RBFOX2: variants seen among roughly 807,000 people sequenced by gnomAD.
RBFOX2 encodes the protein RNA binding fox-1 homolog 2, also known as RNA binding protein fox-1 homolog 2.
Under a neutral mutation model 49.1 loss-of-function variants are expected in RBFOX2, and 10 were observed. The observed-to-expected ratio is 0.20, with a 90% CI of 0.13 to 0.35. The LOEUF (loss-of-function observed/expected upper bound fraction) is 0.35. Among genes scored for constraint, RBFOX2 ranks in the 10% least tolerant of loss-of-function variants. The pLI is 1.00. For synonymous variants in RBFOX2, 183 were observed against 187.4 expected, an observed-to-expected ratio of 0.98 and a Z score of 0.19; for missense variants, 323 against 486.9, an observed-to-expected ratio of 0.66 and a Z score of 3.17.
At chr22:35,834,027 G>A (rs575830827) in intron 1 of RBFOX2, among the ~76,000 whole-genome samples, 1 of 152,238 alleles carries the variant, frequency 6.6e-6, no homozygotes, top group Non-Finnish European at 1.5e-5. Flanking sequence ...TTAAGTCAGG[G>A]ATGGAAATTT....
intron 1 of RBFOX2, among the ~76,000 whole-genome samples, chr22:36,006,073 A>G (rs954818996): frequency 1.3e-5 from 2 of 152,252 alleles, no homozygotes; most frequent in African/African-American, 4.8e-5. Flanking sequence ...CAGAACGAGC[A>G]ATCAAAATGT....
chr22:35,970,441 G>A (rs981445368), intron 1 of RBFOX2, among the ~76,000 whole-genome samples: 11 of 150,628 alleles, frequency 7.3e-5, no homozygotes, highest in African/African-American at 2.7e-4. Flanking sequence ...TCAAGGTCAG[G>A]AGCTCAAGAC....
At chr22:35,774,842 T>C (rs932849248) in intron 4 of RBFOX2, among the ~76,000 whole-genome samples, 3 of 152,194 alleles carry the variant, frequency 2.0e-5, no homozygotes, top group Non-Finnish European at 4.4e-5. Flanking sequence ...CAAAATAAGA[T>C]ATGGTATGGA....
intron 1 of RBFOX2, among the ~76,000 whole-genome samples, chr22:35,874,600 A>G (rs2044775123): frequency 6.6e-6 from 1 of 152,200 alleles, no homozygotes; most frequent in African/African-American, 2.4e-5. Context: ...ATGAACATGG[A>G]AGTAATAGTG....
At chr22:35,985,909 T>C (rs1015221743) in intron 1 of RBFOX2, among the ~76,000 whole-genome samples, 25 of 28,882 alleles carry the variant, frequency 8.7e-4, no homozygotes, top group African/African-American at 2.5e-3. Context: ...GATGGATAGA[T>C]AGATAGATAG....
At chr22:36,010,444 A>G (rs907610108) in intron 1 of RBFOX2, among the ~76,000 whole-genome samples, 13 of 152,040 alleles carry the variant, frequency 8.6e-5, no homozygotes, top group African/African-American at 2.7e-4. Context: ...GAGCCTTGGG[A>G]CCACAAAGAC....
At chr22:35,995,757 G>A (rs1480608650) in intron 1 of RBFOX2, 1 of 154,072 alleles carries the variant, frequency 6.5e-6, no homozygotes, top group Non-Finnish European at 1.4e-5. Context: ...TAAGGCTTTG[G>A]AACTGTGAGT....
intron 1 of RBFOX2, among the ~76,000 whole-genome samples, chr22:35,986,957 CTT>C (rs200947927): frequency 2.8e-5 from 4 of 141,988 alleles, no homozygotes; most frequent in African/African-American, 7.7e-5. Flanking sequence ...ATAAAGATCT[CTT>C]TTTTTTTTTT....
At chr22:35,999,863 C>T (rs1195370088) in intron 1 of RBFOX2, 6 of 151,838 alleles carry the variant, frequency 4.0e-5, no homozygotes, top group Admixed American at 3.3e-4. Context: ...AAGACAGAAA[C>T]TAGATTTCTT....
chr22:35,785,889 C>G (rs1403092995), intron 2 of RBFOX2, among the ~76,000 whole-genome samples: 2 of 152,160 alleles, frequency 1.3e-5, no homozygotes, highest in African/African-American at 4.8e-5. Context: ...TCAAGCAAAC[C>G]AACACGCAGT....
intron 1 of RBFOX2, among the ~76,000 whole-genome samples, chr22:36,002,533 T>C (rs2058468217): frequency 6.6e-6 from 1 of 152,232 alleles, no homozygotes; most frequent in African/African-American, 2.4e-5. Flanking sequence ...ACGGGGTATA[T>C]ATCTATAAAC....
chr22:35,852,235 A>G lies in RBFOX2; in HGVS notation c.-33-42231T>C, dbSNP rs1319968735. Among the ~76,000 whole-genome samples the G allele has an allele frequency of 2.0e-5, 3 of 152,330 alleles. No homozygotes were observed. The East Asian group carries it at 5.8e-4, about 29-fold the overall frequency. ...ATATGCAAATACTACACCATTTTAT[A>G]TAAGAAACTTGAGCATCTGCCAATT... On this transcript the variant is annotated intron_variant, in intron 1 of 13. Transcript: ENST00000359369.
At chr22:35,923,252 T>C (rs886065201) in intron 1 of RBFOX2, among the ~76,000 whole-genome samples, 2 of 152,224 alleles carry the variant, frequency 1.3e-5, no homozygotes, top group Admixed American at 6.5e-5. Context: ...CCAGAGTTCT[T>C]TGATCATTCC....
At chr22:35,936,973 A>G (rs2149725267) in intron 1 of RBFOX2, among the ~76,000 whole-genome samples, 1 of 152,344 alleles carries the variant, frequency 6.6e-6, no homozygotes, top group South Asian at 2.1e-4. Flanking sequence ...TAACTGCATT[A>G]GTTTGCAAGA....
chr22:35,966,186 T>C (rs2149984085), upstream of RBFOX2, among the ~76,000 whole-genome samples: 1 of 152,366 alleles, frequency 6.6e-6, no homozygotes, highest in Admixed American at 6.5e-5. Flanking sequence ...GTAAAACTGA[T>C]CCATCTGTTG....
At chr22:35,954,871 A>G (rs1166236102) in intron 1 of RBFOX2, among the ~76,000 whole-genome samples, 1 of 152,248 alleles carries the variant, frequency 6.6e-6, no homozygotes, top group Non-Finnish European at 1.5e-5. Flanking sequence ...ACCAGTGTAC[A>G]TGGTTGATAA....
At chr22:35,930,708 T>A (rs998577957) in intron 1 of RBFOX2, among the ~76,000 whole-genome samples, 1 of 152,020 alleles carries the variant, frequency 6.6e-6, no homozygotes, top group Non-Finnish European at 1.5e-5. Context: ...TGTGCGCCTG[T>A]AATGCCAGCT....
chr22:35,880,991 A>C (rs931849221), intron 1 of RBFOX2, among the ~76,000 whole-genome samples: 1 of 152,172 alleles, frequency 6.6e-6, no homozygotes, highest in Admixed American at 6.5e-5. Flanking sequence ...ACAGCTGGGC[A>C]TGGTGGCTCA....
At chr22:35,746,167 AACTGAAAAAAATCT>A (rs1309766884) in intron 10 of RBFOX2, among the ~76,000 whole-genome samples, 172 bp from the exon 13 acceptor site, 1 of 152,242 alleles carries the variant, frequency 6.6e-6, no homozygotes, top group East Asian at 1.9e-4. Flanking sequence ...CAAATGCAAT[AACTGAAAAAAATCT>A]GAAGTACTTC....
Sources: gnomAD v4.1 joint callset for allele counts (sites outside exome capture counted in the v4.1 genomes callset) on GRCh38, gnomAD v4.1.1 for gene constraint, MANE v1.5 for transcripts, NCBI Gene and HGNC (gene_info 2026-07-23, HGNC 2026-07-21) for gene names.